Variants in HSDL2 observed in about 807,000 individuals in gnomAD.
HSDL2 encodes the protein hydroxysteroid dehydrogenase-like protein 2.
A neutral mutation model predicts 46.3 loss-of-function variants in HSDL2; 27 were observed. That is an observed-to-expected ratio of 0.58 (90% CI 0.43 to 0.80). HSDL2 has a LOEUF of 0.80. Ranked by LOEUF, HSDL2 falls within the 30% of genes least tolerant of loss-of-function variation. The pLI, the probability that HSDL2 is intolerant of heterozygous loss-of-function variation, is 0.00. For synonymous variants in HSDL2, 153 were observed against 163.6 expected (o/e 0.94, Z 0.50); for missense variants, 451 against 502.7 (o/e 0.90, Z 0.98).
At chr9:112,440,577 T>C (rs1468537007) in intron 7 of HSDL2, among the ~76,000 whole-genome samples, 1 of 152,042 alleles carries the variant, frequency 6.6e-6, no homozygotes, top group Non-Finnish European at 1.5e-5. Flanking sequence ...TAGCTGAAAA[T>C]AAGACCCAGT....
At chr9:112,462,892 GTC>G (rs937763085) in intron 10 of HSDL2, among the ~76,000 whole-genome samples, 15 of 152,062 alleles carry the variant, frequency 9.9e-5, no homozygotes, top group African/African-American at 2.4e-5. Context: ...TTTGCTCTCT[GTC>G]TCTATAAATT....
At chr9:112,383,550 G>A (rs1039502568) in intron 1 of HSDL2, among the ~76,000 whole-genome samples, 1 of 151,960 alleles carries the variant, frequency 6.6e-6, no homozygotes, top group Non-Finnish European at 1.5e-5. Context: ...CTGCTCATTT[G>A]TCCTAGCAGC....
chr9:112,392,292 G>A (rs373215121), intron 1 of HSDL2, among the ~76,000 whole-genome samples: 37 of 152,214 alleles, frequency 2.4e-4, no homozygotes, highest in African/African-American at 8.2e-4. Flanking sequence ...ACTGATAAGG[G>A]TCTATGTTCA....
At chr9:112,389,176 A>G (rs1438283513) in intron 1 of HSDL2, among the ~76,000 whole-genome samples, 4 of 152,152 alleles carry the variant, frequency 2.6e-5, no homozygotes, top group Non-Finnish European at 4.4e-5. Flanking sequence ...ACAGGCACAC[A>G]CTGCCACACA....
At chr9:112,438,325 G>A (rs1303503611) in intron 6 of HSDL2, 106 bp from the exon 7 acceptor site, 4 of 754,470 alleles carry the variant, frequency 5.3e-6, no homozygotes, top group Non-Finnish European at 7.6e-6. Context: ...AGAAATGAAA[G>A]GATTAGCCTT....
Position 112,452,155 on chromosome 9 carries a change from A to T in HSDL2, c.866-1858A>T, listed in dbSNP as rs190420066. ...TACTTTAACTTATAAAAGGAAAATG[A>T]TTTTTTTTATTTGTGGAAACATCAT... is the stretch of plus-strand genomic sequence containing the variant. On this transcript the variant is annotated intron_variant, in intron 8 of 10. Coordinates refer to ENST00000398805, the MANE Select transcript of HSDL2 (RefSeq NM_032303.5). Among the ~76,000 whole-genome samples the T allele has an allele frequency of 3.4e-4, 51 of 152,208 alleles. No individual in the cohort carries two copies. In the East Asian group the frequency reaches 6.0e-3, roughly 18 times the overall value.
In HSDL2 at chr9:112,418,951, T is replaced by G; in HGVS notation, c.591T>G (p.Pro197=). The G allele has an allele frequency of 6.4e-7, 1 of 1,556,292 alleles. No individual in the cohort carries two copies. Among genetic ancestry groups the G allele is most frequent in the Non-Finnish European group, 8.8e-7 (1 of 1,130,830 alleles). ...AAATTGCAGTCAATGCATTATGGCC[T>G]AAAACAGGTATGTATTTTTAAAAAC... The part of the protein sequence containing the change: ...KGEIAVNALW[P]KTAIHTAAMD... The change falls in exon 6 of 11, where the codon CCT becomes CCG. Residue 197 remains proline (P), a synonymous_variant. Coordinates refer to ENST00000398805, the MANE Select transcript of HSDL2 (RefSeq NM_032303.5).
At position 112,412,624 on chromosome 9, in the gene HSDL2, C is replaced by T. The variant is rs186707651; in HGVS notation, c.395+3603C>T. The stretch of plus-strand genomic sequence containing the variant: ...TAGTAATCATAACTATAGACTTGAC[C>T]TTTTAAACTGACATTATGACTGATG... On this transcript the variant is annotated intron_variant, in intron 4 of 10. Coordinates refer to ENST00000398805, the MANE Select transcript of HSDL2 (RefSeq NM_032303.5). Among the ~76,000 whole-genome samples the T allele has an allele frequency of 4.0e-3, 609 of 152,170 alleles. 2 individuals are homozygous for T. Among genetic ancestry groups the T allele is most frequent in the African/African-American group, 0.014 (575 of 41,508 alleles).
intron 1 of HSDL2, among the ~76,000 whole-genome samples, chr9:112,403,081 C>G (rs962186156): frequency 1.3e-5 from 2 of 152,186 alleles, no homozygotes; most frequent in Non-Finnish European, 2.9e-5. Context: ...GTTTATTTAA[C>G]AGCTCTTTTG....
At chr9:112,470,382 C>A (rs1378552609) in intron 10 of HSDL2, 50 bp from the exon 11 acceptor site, 1 of 1,092,104 alleles carries the variant, frequency 9.2e-7, no homozygotes, top group Non-Finnish European at 1.4e-6. Context: ...AGCAATATAT[C>A]CCTAAGGGCA....
chr9:112,417,220 A>G (rs1410170406), intron 5 of HSDL2, among the ~76,000 whole-genome samples: 1 of 152,226 alleles, frequency 6.6e-6, no homozygotes, highest in African/African-American at 2.4e-5. Context: ...AAATCAAGAT[A>G]CAGATTTTTA....
At chr9:112,394,251 A>G (rs1184583174) in intron 1 of HSDL2, among the ~76,000 whole-genome samples, 1 of 152,042 alleles carries the variant, frequency 6.6e-6, no homozygotes, top group East Asian at 1.9e-4. Flanking sequence ...CCAATTTCCA[A>G]AGTTCTGGGT....
intron 6 of HSDL2, among the ~76,000 whole-genome samples, chr9:112,428,492 C>T (rs549415941): frequency 7.8e-4 from 118 of 152,242 alleles, no homozygotes; most frequent in Non-Finnish European, 1.2e-3. Flanking sequence ...TGTCAAGACT[C>T]GTTGGTGAGG....
intron 8 of HSDL2, among the ~76,000 whole-genome samples, chr9:112,451,414 G>C (rs1339712534): frequency 6.6e-6 from 1 of 152,182 alleles, no homozygotes; most frequent in African/African-American, 2.4e-5. Context: ...AATTGAACTG[G>C]TGAAGACGAA....
chr9:112,435,388 T>C (rs1389999156), intron 6 of HSDL2, among the ~76,000 whole-genome samples: 2 of 152,162 alleles, frequency 1.3e-5, no homozygotes, highest in African/African-American at 4.8e-5. Context: ...TACTCAATTA[T>C]GTACAGAAAA....
intron 3 of HSDL2, among the ~76,000 whole-genome samples, chr9:112,408,282 C>T (rs1033975272): frequency 6.6e-6 from 1 of 152,006 alleles, no homozygotes; most frequent in African/African-American, 2.4e-5. Context: ...GAGGGACAAC[C>T]AGGAGGTAAG....
intron 5 of HSDL2, 103 bp downstream of exon 5, chr9:112,417,047 C>T: frequency 2.1e-6 from 1 of 467,624 alleles, no homozygotes. Flanking sequence ...TAACATTCAT[C>T]ATTGAATTTT....
At chr9:112,404,521 G>T (rs372367787) in intron 2 of HSDL2, among the ~76,000 whole-genome samples, 1 of 151,692 alleles carries the variant, frequency 6.6e-6, no homozygotes, top group East Asian at 1.9e-4. Flanking sequence ...GTGACAGAGC[G>T]AGACTCCATC....
chr9:112,431,114 G>A (rs1454606322), intron 6 of HSDL2, among the ~76,000 whole-genome samples: 1 of 151,510 alleles, frequency 6.6e-6, no homozygotes, highest in African/African-American at 2.4e-5. Flanking sequence ...TACTAGAACA[G>A]TGGAGTCGCC....
Sources: allele counts gnomAD v4.1 joint callset (sites outside exome capture counted in the v4.1 genomes callset), GRCh38; gene constraint gnomAD v4.1.1; transcripts MANE v1.5; gene names NCBI Gene and HGNC (gene_info 2026-07-23, HGNC 2026-07-21).